The following CNTN5 variants were observed in gnomAD, a reference collection of about 807,000 sequenced individuals.
CNTN5 encodes contactin 5.
In CNTN5, 77 loss-of-function variants were observed where a neutral mutation model predicts 129.1. That is an observed-to-expected ratio of 0.60 (90% confidence interval 0.50 to 0.72). CNTN5 has a LOEUF of 0.72. CNTN5 is among the 30% of genes least tolerant of loss of function. CNTN5 has a pLI of 0.00. For missense variants in CNTN5, 1,478 were observed against 1,328.8 expected, an observed-to-expected ratio of 1.11 and a Z score of -1.75; for synonymous variants, 509 against 465.6, an observed-to-expected ratio of 1.09 and a Z score of -1.20.
chr11:100,153,300 AT>A (rs1223147234), intron 13 of CNTN5, among the ~76,000 whole-genome samples: 1 of 152,046 alleles, frequency 6.6e-6, no homozygotes, highest in Admixed American at 6.6e-5. Flanking sequence ...AGAATGTTGA[AT>A]TTTTTTACGA....
intron 6 of CNTN5, among the ~76,000 whole-genome samples, chr11:99,901,768 AAAG>A (rs1453998205): frequency 1.3e-5 from 2 of 152,224 alleles, no homozygotes; most frequent in Non-Finnish European, 2.9e-5. Flanking sequence ...GTGAATTAAA[AAAG>A]AAAACTGAAC....
At chr11:100,229,036 A>C (rs929885093) in intron 16 of CNTN5, among the ~76,000 whole-genome samples, 4 of 152,098 alleles carry the variant, frequency 2.6e-5, no homozygotes, top group African/African-American at 9.7e-5. Flanking sequence ...CTTGAACTAC[A>C]CAGCTCACAC....
intron 3 of CNTN5, among the ~76,000 whole-genome samples, chr11:99,625,272 G>A (rs542368599): frequency 2.6e-5 from 4 of 152,106 alleles, no homozygotes; most frequent in Non-Finnish European, 5.9e-5. Context: ...GAATGCAGGT[G>A]GGTGCTATGA....
At chr11:100,134,284 A>C (rs974406525) in intron 13 of CNTN5, among the ~76,000 whole-genome samples, 3 of 152,136 alleles carry the variant, frequency 2.0e-5, no homozygotes, top group Non-Finnish European at 4.4e-5. Context: ...TAAACCCTTG[A>C]GGATGTGCTT....
At chr11:99,770,961 A>G (rs1483842517) in intron 3 of CNTN5, among the ~76,000 whole-genome samples, 1 of 152,078 alleles carries the variant, frequency 6.6e-6, no homozygotes, top group African/African-American at 2.4e-5. Context: ...AAAACTGAAC[A>G]CACAACAGAG....
rs375073490 is a variant in CNTN5 at position 99,890,385 on chromosome 11, T to TTA, written c.578-25657_578-25656dup. On this transcript the variant is annotated intron_variant, in intron 6 of 24. Transcript: ENST00000524871. ...GAAATATATTCCTTCTCTCTCTTCC[T>TTA]TATATATATATATCAGTATCAATTC... Among the ~76,000 whole-genome samples the TTA allele has an allele frequency of 6.5e-3, 982 of 151,486 alleles. 3 individuals are homozygous for TTA. Among genetic ancestry groups the TTA allele is most frequent in the Non-Finnish European group, 9.1e-3 (616 of 67,804 alleles).
chr11:99,977,786 ACAGAGCAAAAC>A (rs1938087274), intron 8 of CNTN5, among the ~76,000 whole-genome samples: 1 of 152,246 alleles, frequency 6.6e-6, no homozygotes, highest in Non-Finnish European at 1.5e-5. Flanking sequence ...AGGTGGGGGC[ACAGAGCAAAAC>A]CTTATCACAC....
At chr11:99,535,897 CT>C (rs1328656317) in intron 2 of CNTN5, among the ~76,000 whole-genome samples, 1 of 151,880 alleles carries the variant, frequency 6.6e-6, no homozygotes, top group African/African-American at 2.4e-5. Flanking sequence ...TATTTGATTC[CT>C]TTTTTAGGGT....
intron 2 of CNTN5, among the ~76,000 whole-genome samples, chr11:99,340,075 G>A (rs1866437843): frequency 6.6e-6 from 1 of 152,130 alleles, no homozygotes; most frequent in African/African-American, 2.4e-5. Flanking sequence ...TGTAAGAAAA[G>A]GGAAAGCATA....
chr11:99,096,321 C>A (rs575421072), intron 1 of CNTN5, among the ~76,000 whole-genome samples: 1 of 151,688 alleles, frequency 6.6e-6, no homozygotes, highest in African/African-American at 2.4e-5. Flanking sequence ...GTGATGAAAA[C>A]AATATTATGA....
intron 2 of CNTN5, among the ~76,000 whole-genome samples, chr11:99,493,980 T>C (rs2135359793): frequency 6.6e-6 from 1 of 152,314 alleles, no homozygotes; most frequent in African/African-American, 2.4e-5. Flanking sequence ...CTGATATTGG[T>C]AGCTACCGAT....
intron 1 of CNTN5, among the ~76,000 whole-genome samples, chr11:99,051,678 T>A (rs1864433774): frequency 6.6e-6 from 1 of 151,902 alleles, no homozygotes; most frequent in East Asian, 1.9e-4. Context: ...TGACTTATCA[T>A]CTAATGAAGG....
At chr11:99,021,623 G>A (rs999151959) in intron 1 of CNTN5, among the ~76,000 whole-genome samples, 2 of 152,170 alleles carry the variant, frequency 1.3e-5, no homozygotes, top group South Asian at 4.1e-4. Flanking sequence ...GAAACTAAAT[G>A]TTTGGAAAAT....
chr11:100,040,088 A>G (rs11222482), intron 9 of CNTN5, among the ~76,000 whole-genome samples: 15,463 of 151,160 alleles, frequency 0.1, 883 homozygotes, highest in Middle Eastern at 0.25. Context: ...TTTTTTTCCC[A>G]TCTTTGTGGT....
chr11:100,310,267 G>A (rs1414680505), intron 21 of CNTN5, among the ~76,000 whole-genome samples: 2 of 151,836 alleles, frequency 1.3e-5, no homozygotes, highest in Non-Finnish European at 2.9e-5. Context: ...CTGGTGCACG[G>A]AAGAGTGACA....
chr11:99,086,538 C>T (rs749630780), intron 1 of CNTN5, among the ~76,000 whole-genome samples: 32 of 152,054 alleles, frequency 2.1e-4, no homozygotes, highest in Admixed American at 1.2e-3. Flanking sequence ...TCAGATCGTG[C>T]GTGAGCTAAC....
Position 99,257,193 on chromosome 11 carries a change from A to T in CNTN5, c.-209-68153A>T, listed in dbSNP as rs76123626. On this transcript the variant is annotated intron_variant, in intron 1 of 24. Coordinates refer to ENST00000524871, the MANE Select transcript of CNTN5 (RefSeq NM_014361.4). ...CCATTCTCTATTAGATTTAGGAATAAAAACTCTATTGTTTGCAGAGCATCT... is the reference window on the plus strand; with the variant it reads ...CCATTCTCTATTAGATTTAGGAATATAAACTCTATTGTTTGCAGAGCATCT... 6.3e-3 allele frequency among the ~76,000 whole-genome samples: 953 copies of T among 152,268 alleles called. 9 individuals carry two copies. The highest frequency in any genetic ancestry group is 0.02 in the African/African-American group (839 of 41,564).
chr11:100,043,834 T>C (rs561685123), intron 9 of CNTN5, among the ~76,000 whole-genome samples: 1 of 150,516 alleles, frequency 6.6e-6, no homozygotes, highest in African/African-American at 2.4e-5. Context: ...TTTGATTCAG[T>C]TTGTTGTATT....
At position 100,088,855 on chromosome 11, in the gene CNTN5, A is replaced by T. The variant is rs187929809; in HGVS notation, c.1580+14561A>T. Among the ~76,000 whole-genome samples, 291 of 152,174 alleles carry T rather than the reference A, an allele frequency of 1.9e-3. 1 individual carries two copies. Among genetic ancestry groups the T allele is most frequent in the Non-Finnish European group, 2.7e-3 (186 of 67,994 alleles). On this transcript the variant is annotated intron_variant, in intron 13 of 24. Coordinates refer to ENST00000524871, the MANE Select transcript of CNTN5 (RefSeq NM_014361.4). ...CTACTGAAATGATTCCAAAAAGACA[A>T]AGAGGAGGGGCTCCTCCCTAAGTGA... is the stretch of plus-strand genomic sequence containing the variant.
Sources: allele counts gnomAD v4.1 joint callset (sites outside exome capture counted in the v4.1 genomes callset), GRCh38; gene constraint gnomAD v4.1.1; transcripts MANE v1.5; gene names NCBI Gene and HGNC (gene_info 2026-07-23, HGNC 2026-07-21).